TMEM192: variants seen among roughly 807,000 people sequenced by gnomAD.
The protein encoded by TMEM192 is transmembrane protein 192.
In TMEM192, 20 loss-of-function variants were observed where a neutral mutation model predicts 26.7. That is an observed-to-expected ratio of 0.75 (90% CI 0.53 to 1.09). TMEM192 has a LOEUF of 1.09. Ranked by LOEUF, TMEM192 falls within the 50% of genes least tolerant of loss-of-function variation. The pLI, the probability that TMEM192 is intolerant of heterozygous loss-of-function variation, is 0.00. For missense variants in TMEM192, 304 were observed against 322.6 expected (o/e 0.94, Z 0.44); for synonymous variants, 124 against 121.0 (o/e 1.02, Z -0.16).
intron 3 of TMEM192, among the ~76,000 whole-genome samples, chr4:165,096,344 G>A (rs1245973790): frequency 6.6e-6 from 1 of 151,852 alleles, no homozygotes; most frequent in Non-Finnish European, 1.5e-5. Flanking sequence ...GGCAGAGGTT[G>A]CAGTTAGCTG....
chr4:165,091,123 CA>C (rs1021759304), intron 3 of TMEM192, among the ~76,000 whole-genome samples: 1 of 151,698 alleles, frequency 6.6e-6, no homozygotes, highest in African/African-American at 2.4e-5. Flanking sequence ...AAAAATTAGC[CA>C]GGCGTGGTGG....
chr4:165,085,273 CAAA>C (rs398051329), intron 5 of TMEM192, among the ~76,000 whole-genome samples: 16 of 83,696 alleles, frequency 1.9e-4, no homozygotes, highest in Admixed American at 2.6e-4. Context: ...AACTCCATCT[CAAA>C]AAAAAAAAAA....
Position 165,090,308 on chromosome 4 carries a change from G to A in TMEM192, c.440-1706C>T, listed in dbSNP as rs1025237065. On this transcript the variant is annotated intron_variant, in intron 3 of 5. Transcript: ENST00000306480. ...TGAGGTGGTAGAATTGCTTGAACCC[G>A]GGGGGCAGAGTTTGCAGTGAGCCGA... Among the ~76,000 whole-genome samples, 10 of 149,758 alleles carry A rather than the reference G, an allele frequency of 6.7e-5. No homozygotes were observed. In the East Asian group the frequency reaches 7.9e-4, roughly 12 times the overall value.
In TMEM192 at chr4:165,073,171, T is replaced by C. The variant is rs1415376598; in HGVS notation, c.*6487A>G. The C allele has an allele frequency of 6.5e-6, 1 of 152,958 alleles. No individual in the cohort carries two copies. Among genetic ancestry groups the C allele is most frequent in the Non-Finnish European group, 1.5e-5 (1 of 68,654 alleles). The allele number at this position is 152,958 out of a possible 1,614,324, so 9.5% of individuals were successfully genotyped here. On this transcript the variant is annotated 3_prime_UTR_variant, in exon 6 of 6. Transcript: ENST00000306480. ...AGAGATCAGATTGTTACTGTGTCTATGTAGAAAAAGAAGACATAAGAAACT... is the reference window on the plus strand; with the variant it reads ...AGAGATCAGATTGTTACTGTGTCTACGTAGAAAAAGAAGACATAAGAAACT...
intron 1 of TMEM192, among the ~76,000 whole-genome samples, chr4:165,106,110 A>G (rs1395349246): frequency 6.6e-6 from 1 of 152,176 alleles, no homozygotes; most frequent in African/African-American, 2.4e-5. Flanking sequence ...TGTGGTCAAT[A>G]CATTTCTATT....
rs1034819171 is a variant in TMEM192, at chr4:165,076,209, T to G, written c.*3449A>C. ...ACATATACATACATATATACCTATA[T>G]CTATCTATATACCTATACACATACA... On this transcript the variant is annotated 3_prime_UTR_variant, in exon 6 of 6. Transcript: ENST00000306480. The G allele has an allele frequency of 6.6e-6, 1 of 152,194 alleles. No homozygotes were observed. The highest frequency in any genetic ancestry group is 1.5e-5 in the Non-Finnish European group (1 of 68,040). The allele number at this position is 152,194 out of a possible 1,614,324, so 9.4% of individuals were successfully genotyped here. A position where few individuals can be genotyped will look rare whatever the true frequency, so the allele number is the denominator to read the frequency against.
intron 1 of TMEM192, among the ~76,000 whole-genome samples, chr4:165,107,422 C>T (rs1363026353): frequency 4.6e-5 from 7 of 151,930 alleles, no homozygotes; most frequent in African/African-American, 1.5e-4. Flanking sequence ...CTGCAGCCTC[C>T]GTGCCCCCCT....
chr4:165,098,753 A>G (rs960605415), intron 3 of TMEM192, among the ~76,000 whole-genome samples: 1 of 151,558 alleles, frequency 6.6e-6, no homozygotes. Flanking sequence ...GCTGGAGTGC[A>G]GCGGCATGAC....
At chr4:165,102,303 A>ACC (rs1735054360) in intron 2 of TMEM192, among the ~76,000 whole-genome samples, 1 of 152,204 alleles carries the variant, frequency 6.6e-6, no homozygotes, top group Non-Finnish European at 1.5e-5. Flanking sequence ...AAAAAGTAAT[A>ACC]CAAGCACATG....
Position 165,079,802 on chromosome 4 carries a change from A to T in TMEM192, c.678-6T>A. ...CTTCTAGGCTTGAAATAGTTCTGCA[A>T]GTAATCAAGATATAAATGGGTTACA... On this transcript the variant is annotated splice_polypyrimidine_tract_variant and splice_region_variant and intron_variant, in intron 5 of 5. Coordinates refer to ENST00000306480, the MANE Select transcript of TMEM192 (RefSeq NM_001100389.2). The T allele has an allele frequency of 6.2e-7, 1 of 1,613,260 alleles. No individual in the cohort carries two copies. Among genetic ancestry groups the T allele is most frequent in the Non-Finnish European group, 8.5e-7 (1 of 1,179,598 alleles).
intron 4 of TMEM192, among the ~76,000 whole-genome samples, chr4:165,086,201 A>T (rs1382463244): frequency 6.6e-6 from 1 of 152,072 alleles, no homozygotes. Context: ...GGTATCAGAG[A>T]GGGGAAAAGA....
chr4:165,101,674 CAAG>C (rs1735041840), intron 2 of TMEM192, among the ~76,000 whole-genome samples: 1 of 152,124 alleles, frequency 6.6e-6, no homozygotes, highest in African/African-American at 2.4e-5. Context: ...ATGGTGGTAC[CAAG>C]AAGAAAGCGC....
Position 165,077,044 on chromosome 4 carries a change from A to G in TMEM192, c.*2614T>C, listed in dbSNP as rs1578895652. The G allele has an allele frequency of 6.6e-6, 1 of 152,030 alleles. No homozygotes were observed. Among genetic ancestry groups the G allele is most frequent in the African/African-American group, 2.4e-5 (1 of 41,380 alleles). The allele number at this position is 152,030 out of a possible 1,614,324, so 9.4% of individuals were successfully genotyped here. A position where few individuals can be genotyped will look rare whatever the true frequency, so the allele number is the denominator to read the frequency against. On this transcript the variant is annotated 3_prime_UTR_variant, in exon 6 of 6. Coordinates refer to ENST00000306480, the MANE Select transcript of TMEM192 (RefSeq NM_001100389.2). ...TTGAGCTCCTAACCTCAGGTGATCC[A>G]CCTGCCTCAGCCTCCCGAAGTGCTG...
chr4:165,102,719 A>G (rs986398038), intron 2 of TMEM192, among the ~76,000 whole-genome samples: 1 of 151,714 alleles, frequency 6.6e-6, no homozygotes, highest in South Asian at 2.1e-4. Flanking sequence ...TATCAACAAT[A>G]TCTTTACATG....
chr4:165,090,341 C>G (rs1578903686), intron 3 of TMEM192, among the ~76,000 whole-genome samples: 1 of 151,314 alleles, frequency 6.6e-6, no homozygotes. Flanking sequence ...CGAGATCACA[C>G]CACTGCACTC....
chr4:165,089,939 C>T (rs564222835), intron 3 of TMEM192, among the ~76,000 whole-genome samples: 11 of 151,792 alleles, frequency 7.2e-5, no homozygotes, highest in African/African-American at 2.4e-4. Context: ...AGGCCAGGCG[C>T]GGTGGCTCAC....
intron 1 of TMEM192, among the ~76,000 whole-genome samples, chr4:165,104,839 T>C (rs1735128393): frequency 6.6e-6 from 1 of 152,156 alleles, no homozygotes; most frequent in African/African-American, 2.4e-5. Flanking sequence ...CCAAGTCTTT[T>C]ATTCAATGCC....
rs1734276250 is a variant in TMEM192 at position 165,071,764 on chromosome 4, TG to T, written c.*7893del. On this transcript the variant is annotated 3_prime_UTR_variant, in exon 6 of 6. Transcript: ENST00000306480. Reference sequence around the variant, plus strand: ...GAAGAGTAGGAGAGAGGAGGTGGGGTGGGGTGGGAAGTGGAGATTTTCTAGG... The same window carrying T: ...GAAGAGTAGGAGAGAGGAGGTGGGGTGGGTGGGAAGTGGAGATTTTCTAGG... 6.7e-6 allele frequency: 1 copy of T among 150,188 alleles called. No homozygotes were observed. The highest frequency in any genetic ancestry group is 2.5e-5 in the African/African-American group (1 of 40,268). 9.3% of individuals were successfully genotyped at this position (150,188 alleles called of 1,614,324 possible).
At chr4:165,096,506 T>A (rs1357387418) in intron 3 of TMEM192, among the ~76,000 whole-genome samples, 2 of 151,900 alleles carry the variant, frequency 1.3e-5, no homozygotes, top group Admixed American at 1.3e-4. Flanking sequence ...CTTTCTCCCA[T>A]CTCCACCCAA....
Sources: allele counts gnomAD v4.1 joint callset (sites outside exome capture counted in the v4.1 genomes callset), GRCh38; gene constraint gnomAD v4.1.1; transcripts MANE v1.5; gene names NCBI Gene and HGNC (gene_info 2026-07-23, HGNC 2026-07-21).